Variants in MYBL2 observed in about 807,000 individuals in gnomAD.
The protein encoded by MYBL2 is MYB proto-oncogene like 2, also known as myb-related protein B.
MYBL2 carries 28 observed loss-of-function variants against 79.9 expected under a neutral mutation model. The observed-to-expected ratio is 0.35, with a 90% CI of 0.26 to 0.48. MYBL2 has a LOEUF of 0.48. MYBL2 is among the 20% of genes least tolerant of loss of function. MYBL2 has a pLI of 0.99. For missense variants in MYBL2, 735 were observed against 893.9 expected, an observed-to-expected ratio of 0.82 and a Z score of 2.27; for synonymous variants, 378 against 361.2, an observed-to-expected ratio of 1.05 and a Z score of -0.53.
intron 13 of MYBL2, 150 bp from the exon 14 acceptor site, chr20:43,715,809 G>A: frequency 8.7e-7 from 1 of 1,150,784 alleles, no homozygotes; most frequent in Non-Finnish European, 1.2e-6. Context: ...GACTTGTCCA[G>A]GGTCACAGGG....
At chr20:43,700,788 G>GA (rs771004061) in intron 7 of MYBL2, among the ~76,000 whole-genome samples, 2 of 152,144 alleles carry the variant, frequency 1.3e-5, no homozygotes, top group Non-Finnish European at 2.9e-5. Context: ...TTTTTTAGGT[G>GA]AAACTGAGGC....
At position 43,673,732 on chromosome 20, in the gene MYBL2, G is replaced by A. The variant is rs774275778; in HGVS notation, c.21-74G>A. On this transcript the variant is annotated intron_variant, in intron 1 of 13. Coordinates refer to ENST00000217026, the MANE Select transcript of MYBL2 (RefSeq NM_002466.4). Reference sequence around the variant, plus strand: ...GACCTTTCCCTAGGGTGGGCTGGCCGCTGCCTACACGTTCTCCATTATGTA... The same window carrying A: ...GACCTTTCCCTAGGGTGGGCTGGCCACTGCCTACACGTTCTCCATTATGTA... 2.0e-6 allele frequency: 3 copies of A among 1,464,836 alleles called. No homozygotes were observed. The African/African-American group carries it at 4.2e-5, about 20-fold the overall frequency. 90.7% of individuals were successfully genotyped at this position (1,464,836 alleles called of 1,614,324 possible).
chr20:43,689,964 C>T (rs561737099), intron 5 of MYBL2, among the ~76,000 whole-genome samples: 6 of 152,208 alleles, frequency 3.9e-5, no homozygotes, highest in African/African-American at 1.2e-4. Flanking sequence ...TACATGGGAT[C>T]TCTTGGAAAG....
rs1157338397 is a variant in MYBL2 at position 43,716,063 on chromosome 20, A to G, written c.2079A>G (p.Thr693=). 1 of 1,609,230 alleles carries G rather than the reference A, an allele frequency of 6.2e-7. No homozygotes were observed. The highest frequency in any genetic ancestry group is 8.5e-7 in the Non-Finnish European group (1 of 1,179,748). ...TGGGCCGCCTGAAGCCCAGCCACAC[A>G]TCTCGGACCCTCATCTTGTCCTGAG... ...QLLGRLKPSH[T]SRTLILS is the part of the protein sequence containing the mutation. Residue 693 remains threonine, a synonymous_variant, in exon 14 of 14, where the codon ACA becomes ACG. Coordinates refer to ENST00000217026, the MANE Select transcript of MYBL2 (RefSeq NM_002466.4).
intron 10 of MYBL2, among the ~76,000 whole-genome samples, chr20:43,710,306 C>G (rs972836278): frequency 1.3e-5 from 2 of 152,184 alleles, no homozygotes; most frequent in African/African-American, 4.8e-5. Context: ...ATGGTGGTAT[C>G]CCGTGACACT....
At chr20:43,701,671 A>C (rs1423922615) in intron 7 of MYBL2, among the ~76,000 whole-genome samples, 1 of 152,180 alleles carries the variant, frequency 6.6e-6, no homozygotes, top group Non-Finnish European at 1.5e-5. Flanking sequence ...GAGCTGCCCC[A>C]AGGAGGCATC....
Position 43,711,474 on chromosome 20 carries a change from G to C in MYBL2, c.1606-14G>C. 2 of 1,605,770 alleles carry C rather than the reference G, an allele frequency of 1.2e-6. No homozygotes were observed. The highest frequency in any genetic ancestry group is 2.2e-5 in the East Asian group (1 of 44,584). Reference sequence around the variant, plus strand: ...TGTGGTGCCTCACGTGGGCTGCCCCGTGCCTACCCACAGCCACAGACCCCG... The same window carrying C: ...TGTGGTGCCTCACGTGGGCTGCCCCCTGCCTACCCACAGCCACAGACCCCG... On this transcript the variant is annotated splice_polypyrimidine_tract_variant and intron_variant, in intron 10 of 13. Transcript: ENST00000217026.
At chr20:43,715,351 C>T in intron 13 of MYBL2, 68 bp downstream of exon 13, 2 of 1,600,810 alleles carry the variant, frequency 1.2e-6, no homozygotes, top group South Asian at 1.1e-5. Context: ...TGAGTGCTGG[C>T]CATCCCTGGG....
intron 1 of MYBL2, 90 bp from the exon 2 acceptor site, chr20:43,673,716 C>G (rs1227546437): frequency 1.6e-6 from 2 of 1,251,700 alleles, no homozygotes; most frequent in Non-Finnish European, 2.3e-6. Context: ...AGACCTTTCC[C>G]TAGGGTGGGC....
intron 7 of MYBL2, among the ~76,000 whole-genome samples, chr20:43,701,544 CT>C (rs1285584181): frequency 1.3e-5 from 2 of 152,192 alleles, no homozygotes; most frequent in East Asian, 3.8e-4. Flanking sequence ...CGGGCTTGTT[CT>C]AGAAGCTGAG....
Position 43,687,004 on chromosome 20 carries a change from C to T in MYBL2, c.432C>T (p.Arg144=). The change falls in exon 5 of 14, where the codon CGC becomes CGT. Residue 144 remains arginine, a synonymous_variant. Coordinates refer to ENST00000217026, the MANE Select transcript of MYBL2 (RefSeq NM_002466.4). ...KKSCWTEEED[R]IICEAHKVLG... ...CTTGCTGGACCGAGGAGGAGGACCGCATCATCTGCGAGGCCCACAAGGTGC... is the reference window on the plus strand; with the variant it reads ...CTTGCTGGACCGAGGAGGAGGACCGTATCATCTGCGAGGCCCACAAGGTGC... 6 of 1,614,056 alleles carry T rather than the reference C, an allele frequency of 3.7e-6. No individual in the cohort carries two copies. The highest frequency in any genetic ancestry group is 5.1e-6 in the Non-Finnish European group (6 of 1,180,054).
At chr20:43,692,120 G>C (rs761658018) in intron 5 of MYBL2, 37 bp from the exon 6 acceptor site, 1 of 1,601,424 alleles carries the variant, frequency 6.2e-7, no homozygotes, top group Non-Finnish European at 8.5e-7. Flanking sequence ...CCCACCCACA[G>C]AGCTGGGGTT....
At chr20:43,709,321 A>G (rs1021320665) in intron 9 of MYBL2, among the ~76,000 whole-genome samples, 5 of 152,132 alleles carry the variant, frequency 3.3e-5, no homozygotes, top group African/African-American at 1.2e-4. Context: ...CCAGCCCCAT[A>G]CCACCAGCCC....
intron 2 of MYBL2, among the ~76,000 whole-genome samples, chr20:43,675,582 G>A (rs1365146881): frequency 6.6e-6 from 1 of 151,994 alleles, no homozygotes; most frequent in Admixed American, 6.6e-5. Context: ...CAAAGTGCTG[G>A]GATTACAGGC....
At chr20:43,682,442 C>T (rs772862400) in intron 3 of MYBL2, among the ~76,000 whole-genome samples, 1 of 152,274 alleles carries the variant, frequency 6.6e-6, no homozygotes, top group Non-Finnish European at 1.5e-5. Flanking sequence ...TCATCTCCCC[C>T]TCTTCTGTGT....
At chr20:43,668,457 C>G (rs1308513454) in intron 1 of MYBL2, among the ~76,000 whole-genome samples, 1 of 152,102 alleles carries the variant, frequency 6.6e-6, no homozygotes, top group Non-Finnish European at 1.5e-5. Context: ...GACTCGGCCT[C>G]CCAAAGTGCT....
chr20:43,690,830 T>G (rs1260241100), intron 5 of MYBL2, among the ~76,000 whole-genome samples: 1 of 152,140 alleles, frequency 6.6e-6, no homozygotes, highest in Non-Finnish European at 1.5e-5. Flanking sequence ...GTGATCCACC[T>G]GCCTCAGCCT....
intron 4 of MYBL2, among the ~76,000 whole-genome samples, 173 bp from the exon 5 acceptor site, chr20:43,686,679 G>A (rs1042101257): frequency 2.8e-4 from 42 of 152,268 alleles, no homozygotes; most frequent in Admixed American, 8.5e-4. Flanking sequence ...GGCCCTGTGG[G>A]CTACACAAAG....
intron 5 of MYBL2, among the ~76,000 whole-genome samples, chr20:43,688,836 C>T (rs1378381351): frequency 6.6e-6 from 1 of 152,126 alleles, no homozygotes; most frequent in East Asian, 1.9e-4. Flanking sequence ...ATCACCCAGG[C>T]TGGAGTGTAG....
Sources: allele counts gnomAD v4.1 joint callset (sites outside exome capture counted in the v4.1 genomes callset), GRCh38; gene constraint gnomAD v4.1.1; transcripts MANE v1.5; gene names NCBI Gene and HGNC (gene_info 2026-07-23, HGNC 2026-07-21).